Variants in BCAS3 observed in about 807,000 individuals in gnomAD.
The protein encoded by BCAS3 is BCAS4/BCAS3 fusion.
A neutral mutation model predicts 116.1 loss-of-function variants in BCAS3; 53 were observed. The ratio of observed to expected loss-of-function variants is 0.46; its 90% CI spans 0.37 to 0.57. BCAS3 has a LOEUF of 0.57. BCAS3 is among the 20% of genes least tolerant of loss of function. BCAS3 has a pLI of 0.00. For synonymous variants in BCAS3, 391 were observed against 408.2 expected, an observed-to-expected ratio of 0.96 and a Z score of 0.51; for missense variants, 917 against 1,165.4, an observed-to-expected ratio of 0.79 and a Z score of 3.10.
intron 22 of BCAS3, among the ~76,000 whole-genome samples, chr17:61,250,530 A>G (rs1173026599): frequency 1.3e-5 from 2 of 152,210 alleles, no homozygotes; most frequent in South Asian, 4.1e-4. Flanking sequence ...TCATGAAGGC[A>G]TTAGGGAAGC....
intron 8 of BCAS3, among the ~76,000 whole-genome samples, chr17:60,874,036 G>T (rs567039743): frequency 1.3e-5 from 2 of 151,642 alleles, no homozygotes; most frequent in African/African-American, 4.8e-5. Context: ...AGACTTATTC[G>T]ATTCAAAAAT....
At chr17:60,841,868 CTG>C (rs1441987556) in intron 7 of BCAS3, among the ~76,000 whole-genome samples, 25 of 152,066 alleles carry the variant, frequency 1.6e-4, no homozygotes, top group Admixed American at 3.3e-4. Context: ...CCCCACATGG[CTG>C]CTTACATAAT....
Position 61,279,345 on chromosome 17 carries a change from A to C in BCAS3, c.2426-88982A>C, listed in dbSNP as rs1463050447. 6.6e-6 allele frequency among the ~76,000 whole-genome samples: 1 copy of C among 152,170 alleles called. No homozygotes were observed. Among genetic ancestry groups the C allele is most frequent in the Non-Finnish European group, 1.5e-5 (1 of 68,032 alleles). On this transcript the variant is annotated intron_variant, in intron 22 of 23. Coordinates refer to ENST00000407086, the MANE Select transcript of BCAS3 (RefSeq NM_017679.5). This position sits in a 1 kb window ranked among gnomAD's most constrained non-coding sequence, Gnocchi z 4.4. ...GCAGCCTAGGTCTGACACACCTAAT[A>C]GAACAGAAGCTCTCGCTTCTTTCTT...
At chr17:60,728,920 A>C (rs777719993) in intron 5 of BCAS3, among the ~76,000 whole-genome samples, 1 of 152,240 alleles carries the variant, frequency 6.6e-6, no homozygotes, top group Non-Finnish European at 1.5e-5. Context: ...GTGTGTATAC[A>C]CAAGTACGTG....
intron 6 of BCAS3, among the ~76,000 whole-genome samples, chr17:60,801,957 T>C (rs1372962956): frequency 6.6e-6 from 1 of 152,174 alleles, no homozygotes; most frequent in Non-Finnish European, 1.5e-5. Flanking sequence ...AATGCTCTTT[T>C]CTTCTCTTGT....
chr17:61,202,189 G>A (rs1343687620), intron 22 of BCAS3, among the ~76,000 whole-genome samples: 1 of 142,780 alleles, frequency 7.0e-6, no homozygotes, highest in Non-Finnish European at 1.5e-5. Flanking sequence ...CCAGGTTGGA[G>A]TGCAGTGGTG....
rs973255037 is a variant in BCAS3, at chr17:61,140,765, A to G, written c.2425+56201A>G. On this transcript the variant is annotated intron_variant, in intron 22 of 23. Coordinates refer to ENST00000407086, the MANE Select transcript of BCAS3 (RefSeq NM_017679.5). The surrounding 1 kb of genome is among the most constrained non-coding windows in gnomAD (Gnocchi z 4.2). ...TTACATAGTTTATAGTTGTTACATA[A>G]AACTTTCATGTTCTTTTCCTTATGA... Among the ~76,000 whole-genome samples the G allele has an allele frequency of 1.3e-5, 2 of 152,178 alleles. No individual in the cohort carries two copies. The highest frequency in any genetic ancestry group is 2.4e-5 in the African/African-American group (1 of 41,438).
chr17:61,183,346 T>G (rs2079585801), intron 22 of BCAS3, among the ~76,000 whole-genome samples: 1 of 152,078 alleles, frequency 6.6e-6, no homozygotes, highest in Non-Finnish European at 1.5e-5. Context: ...TTGAACTCCA[T>G]GTTGTCTCAA....
intron 4 of BCAS3, among the ~76,000 whole-genome samples, chr17:60,702,410 C>A (rs2036538878): frequency 6.6e-6 from 1 of 152,018 alleles, no homozygotes; most frequent in Admixed American, 6.6e-5. Context: ...CACGATGGGA[C>A]CCATATGAAG....
intron 6 of BCAS3, among the ~76,000 whole-genome samples, chr17:60,773,718 G>A (rs866550017): frequency 1.3e-5 from 2 of 152,116 alleles, no homozygotes; most frequent in Non-Finnish European, 2.9e-5. Context: ...CGTGATCATG[G>A]CTCACAGTTG....
chr17:61,182,785 G>C (rs183073751), intron 22 of BCAS3, among the ~76,000 whole-genome samples: 19 of 152,344 alleles, frequency 1.2e-4, no homozygotes, highest in Admixed American at 7.8e-4. Flanking sequence ...CTGGCTTGCT[G>C]GCCTAATGTT....
intron 7 of BCAS3, among the ~76,000 whole-genome samples, chr17:60,808,286 G>A (rs1465137593): frequency 1.3e-5 from 2 of 152,202 alleles, no homozygotes; most frequent in African/African-American, 2.4e-5. Flanking sequence ...TAAAGGTGTT[G>A]TGTGAATTTT....
chr17:60,951,174 T>C (rs1467315317), intron 14 of BCAS3, among the ~76,000 whole-genome samples: 1 of 152,210 alleles, frequency 6.6e-6, no homozygotes, highest in African/African-American at 2.4e-5. Flanking sequence ...AGTTTTTCAG[T>C]AAATTTTCTT....
At chr17:61,108,255 T>A (rs2074805441) in intron 22 of BCAS3, among the ~76,000 whole-genome samples, 1 of 152,202 alleles carries the variant, frequency 6.6e-6, no homozygotes, top group Non-Finnish European at 1.5e-5. Context: ...CTGTAACTTT[T>A]ACGTGATATA....
At chr17:61,052,887 T>A (rs2069011094) in intron 19 of BCAS3, among the ~76,000 whole-genome samples, 1 of 151,706 alleles carries the variant, frequency 6.6e-6, no homozygotes, top group African/African-American at 2.4e-5. Flanking sequence ...CTGGATAATT[T>A]TTTTATTTTT....
intron 22 of BCAS3, among the ~76,000 whole-genome samples, chr17:61,262,746 G>T (rs1201744406): frequency 6.7e-6 from 1 of 148,360 alleles, no homozygotes. Context: ...AGGCTAGAGT[G>T]CAATGGCACT....
intron 5 of BCAS3, among the ~76,000 whole-genome samples, chr17:60,734,624 A>G (rs2040788074): frequency 6.6e-6 from 1 of 152,166 alleles, no homozygotes; most frequent in Non-Finnish European, 1.5e-5. Context: ...TATTATGTCA[A>G]AGATCAATTG....
At chr17:61,006,846 T>C (rs1409341324) in intron 15 of BCAS3, among the ~76,000 whole-genome samples, 1 of 152,058 alleles carries the variant, frequency 6.6e-6, no homozygotes, top group Non-Finnish European at 1.5e-5. Flanking sequence ...AAGAATTTAC[T>C]TTCTTCCCTC....
At chr17:60,830,271 G>A (rs1028753568) in intron 7 of BCAS3, among the ~76,000 whole-genome samples, 1 of 152,202 alleles carries the variant, frequency 6.6e-6, no homozygotes, top group Non-Finnish European at 1.5e-5. Context: ...TTATAGGCGT[G>A]AGCCACTGCG....
Sources: gnomAD v4.1 joint callset for allele counts (sites outside exome capture counted in the v4.1 genomes callset) on GRCh38, gnomAD v4.1.1 for gene constraint, Gnocchi (gnomAD v3.1) non-coding constraint, MANE v1.5 for transcripts, NCBI Gene and HGNC (gene_info 2026-07-23, HGNC 2026-07-21) for gene names.